PRMT2: variants seen among roughly 807,000 people sequenced by gnomAD.
PRMT2 encodes protein arginine methyltransferase 2.
In PRMT2, 26 loss-of-function variants were observed where a neutral mutation model predicts 57.6. That is an observed-to-expected ratio of 0.45 (90% CI 0.33 to 0.63). The LOEUF (loss-of-function observed/expected upper bound fraction) is 0.63. Among genes scored for constraint, PRMT2 ranks in the 20% least tolerant of loss-of-function variants. PRMT2 has a pLI of 0.02. For synonymous variants in PRMT2, 219 were observed against 220.0 expected, an observed-to-expected ratio of 1.00 and a Z score of 0.04; for missense variants, 472 against 564.4, an observed-to-expected ratio of 0.84 and a Z score of 1.66.
At chr21:46,641,992 AAG>A (rs1230549031) in intron 3 of PRMT2, among the ~76,000 whole-genome samples, 1 of 152,206 alleles carries the variant, frequency 6.6e-6, no homozygotes, top group African/African-American at 2.4e-5. Context: ...TAACCACACA[AAG>A]AGAGGGAAAT....
chr21:46,652,860 G>C (rs1414245444), intron 7 of PRMT2: 1 of 1,300,000 alleles, frequency 7.7e-7, no homozygotes, highest in East Asian at 5.6e-5. Flanking sequence ...ACAGGATCTT[G>C]CTTGTTCTCC....
At chr21:46,647,154 A>T (rs528194543) in intron 5 of PRMT2, among the ~76,000 whole-genome samples, 7 of 152,340 alleles carry the variant, frequency 4.6e-5, no homozygotes, top group African/African-American at 1.4e-4. Context: ...AAAGTTAAAT[A>T]TGGCATCTTT....
intron 3 of PRMT2, among the ~76,000 whole-genome samples, chr21:46,641,144 T>C (rs1304815062): frequency 7.8e-6 from 1 of 128,568 alleles, no homozygotes; most frequent in Non-Finnish European, 1.7e-5. Flanking sequence ...AAAAAAAGCG[T>C]ATTCTTCAAC....
chr21:46,636,407 GCT>G (rs1212187131), intron 1 of PRMT2, 30 bp from the exon 2 acceptor site: 1 of 152,580 alleles, frequency 6.6e-6, no homozygotes, highest in Non-Finnish European at 1.5e-5. Context: ...ACAAAGAATT[GCT>G]ATGCAATTTT....
chr21:46,643,571 C>G lies in PRMT2; in HGVS notation c.76C>G (p.Leu26Val). 1 of 1,610,068 alleles carries G rather than the reference C, an allele frequency of 6.2e-7. No individual in the cohort carries two copies. Among genetic ancestry groups the G allele is most frequent in the Non-Finnish European group, 8.5e-7 (1 of 1,178,812 alleles). The change falls in exon 4 of 12, where the codon CTG (leucine) becomes GTG (valine). Residue 26 changes from leucine to valine, a missense_variant. Coordinates refer to ENST00000355680, the MANE Select transcript of PRMT2 (RefSeq NM_206962.4). ...EPAECSEAGL[L>V]QEGVQPEEFV... ...TGCTGAGTGCAGTGAGGCCGGTCTCCTGCAGGAGGGAGTACAGCCAGAGGA... is the reference window on the plus strand; with the variant it reads ...TGCTGAGTGCAGTGAGGCCGGTCTCGTGCAGGAGGGAGTACAGCCAGAGGA...
chr21:46,643,777 A>G lies in PRMT2; in HGVS notation c.144+138A>G, dbSNP rs865882544. ...AGGGCCACACAAGACCTGTGTGTGA[A>G]GCTCACAGCCCAGCCAGTTCTGCCT... On this transcript the variant is annotated intron_variant, in intron 4 of 11. Transcript: ENST00000355680. The G allele has an allele frequency of 1.9e-5, 21 of 1,105,770 alleles. No homozygotes were observed. The South Asian group carries it at 3.0e-4, about 16-fold the overall frequency. The allele number at this position is 1,105,770 out of a possible 1,614,324, so 68.5% of individuals were successfully genotyped here.
At chr21:46,652,700 A>T (rs1190587541) in intron 7 of PRMT2, 13 of 1,133,250 alleles carry the variant, frequency 1.1e-5, no homozygotes, top group South Asian at 1.1e-4. Context: ...GAGCATTAAA[A>T]TTTTTTTGTT....
chr21:46,638,368 C>T (rs16979500), intron 3 of PRMT2, among the ~76,000 whole-genome samples: 2,617 of 152,318 alleles, frequency 0.017, 195 homozygotes, highest in Admixed American at 0.13. Flanking sequence ...CACTGCTACA[C>T]AGTAGGCATA....
rs2061663151 is a variant in PRMT2, at chr21:46,663,609, A to G, written c.1269+55A>G. 2.6e-6 allele frequency: 4 copies of G among 1,564,452 alleles called. No individual in the cohort carries two copies. In the South Asian group the frequency reaches 4.6e-5, roughly 18 times the overall value. On this transcript the variant is annotated intron_variant, in intron 11 of 11. Coordinates refer to ENST00000355680, the MANE Select transcript of PRMT2 (RefSeq NM_206962.4). ...TGTGGGTGCCGGTCCTCAGGGAGAC[A>G]GGCCTGGGTGGTGGTAGTGATGGCA...
At chr21:46,653,868 C>A in intron 7 of PRMT2, 1 of 1,025,448 alleles carries the variant, frequency 9.8e-7, no homozygotes. Flanking sequence ...AAGGTCTCTT[C>A]ACCTCCTTCT....
In PRMT2 at chr21:46,660,875, C is replaced by T. The variant is rs147400698; in HGVS notation, c.873C>T (p.Asn291=). The part of the protein sequence containing the change: ...VKEFFSKPKY[N]HILKPEDCLS... ...AGTTTTTTTCAAAGCCCAAGTATAACCACATTTTGAAACCAGAAGACTGTC... is the reference window on the plus strand; with the variant it reads ...AGTTTTTTTCAAAGCCCAAGTATAATCACATTTTGAAACCAGAAGACTGTC... The change falls in exon 9 of 12, where the codon AAC becomes AAT. Residue 291 remains asparagine (N), a synonymous_variant. Coordinates refer to ENST00000355680, the MANE Select transcript of PRMT2 (RefSeq NM_206962.4). 8.7e-6 allele frequency: 14 copies of T among 1,613,432 alleles called. No homozygotes were observed. In the African/African-American group the frequency reaches 1.7e-4, roughly 20 times the overall value.
chr21:46,646,407 C>A (rs1170402751), intron 5 of PRMT2, among the ~76,000 whole-genome samples: 1 of 152,188 alleles, frequency 6.6e-6, no homozygotes, highest in Admixed American at 6.5e-5. Context: ...CCACCAGATT[C>A]CTCTGTGCTT....
intron 11 of PRMT2, 146 bp from the exon 12 acceptor site, chr21:46,664,149 G>T: frequency 1.6e-6 from 1 of 638,868 alleles, no homozygotes; most frequent in Non-Finnish European, 2.8e-6. Context: ...TTTGCTTTGT[G>T]ATAAGTTTTT....
At chr21:46,643,506 C>A in intron 3 of PRMT2, 29 bp from the exon 4 acceptor site, 1 of 1,483,008 alleles carries the variant, frequency 6.7e-7, no homozygotes, top group Non-Finnish European at 8.9e-7. Flanking sequence ...CCAGCGTCCT[C>A]TCCTCACGCT....
rs376818609 is a variant in PRMT2 at position 46,659,076 on chromosome 21, T to C, written c.830+156T>C. 4.9e-6 allele frequency: 7 copies of C among 1,426,088 alleles called. No homozygotes were observed. In the East Asian group the frequency reaches 1.0e-4, roughly 21 times the overall value. 88.3% of individuals were successfully genotyped at this position (1,426,088 alleles called of 1,614,324 possible). A position where few individuals can be genotyped will look rare whatever the true frequency, so the allele number is the denominator to read the frequency against. On this transcript the variant is annotated intron_variant, in intron 8 of 11. Coordinates refer to ENST00000355680, the MANE Select transcript of PRMT2 (RefSeq NM_206962.4). The stretch of plus-strand genomic sequence containing the variant: ...ACAATCTGTTGTAGCATTGGAGTAA[T>C]TAAAGCAGTATGGTGCTATAACAAG...
chr21:46,639,990 C>G (rs1322477691), intron 3 of PRMT2, among the ~76,000 whole-genome samples: 2 of 152,096 alleles, frequency 1.3e-5, no homozygotes, highest in Non-Finnish European at 2.9e-5. Context: ...AAAGGATTTT[C>G]TATAATTCCA....
intron 7 of PRMT2, chr21:46,653,660 TG>T: frequency 8.0e-7 from 1 of 1,250,204 alleles, no homozygotes; most frequent in Non-Finnish European, 1.0e-6. Context: ...TTGCATTCCC[TG>T]GAGCTCATGT....
Position 46,636,929 on chromosome 21 carries a change from A to T in PRMT2, c.-23A>T, listed in dbSNP as rs1162377149. 6.2e-7 allele frequency: 1 copy of T among 1,609,374 alleles called. No homozygotes were observed. The highest frequency in any genetic ancestry group is 8.5e-7 in the Non-Finnish European group (1 of 1,178,104). On this transcript the variant is annotated 5_prime_UTR_variant, in exon 3 of 12. The change abolishes an upstream ATG in the 5' untranslated region. Transcript: ENST00000355680. ...AAGAAAATGAAATAAATCAGCAGTTATGAGGCAGAGCCTAAGAGAACTATG... is the reference window on the plus strand; with the variant it reads ...AAGAAAATGAAATAAATCAGCAGTTTTGAGGCAGAGCCTAAGAGAACTATG...
chr21:46,640,854 A>G (rs1326991808), intron 3 of PRMT2, among the ~76,000 whole-genome samples: 5 of 140,718 alleles, frequency 3.6e-5, no homozygotes, highest in African/African-American at 1.1e-4. Flanking sequence ...CTCTATTCTT[A>G]TTTTTTTTTT....
Sources: allele counts gnomAD v4.1 joint callset (sites outside exome capture counted in the v4.1 genomes callset), GRCh38; gene constraint gnomAD v4.1.1; transcripts MANE v1.5; gene names NCBI Gene and HGNC (gene_info 2026-07-23, HGNC 2026-07-21).